The following PDLIM5 variants were observed in gnomAD, a reference collection of about 807,000 sequenced individuals.
The protein encoded by PDLIM5 is PDZ and LIM domain 5.
In PDLIM5, 34 loss-of-function variants were observed where a neutral mutation model predicts 64.2. The ratio of observed to expected loss-of-function variants is 0.53; its 90% CI spans 0.40 to 0.71. The LOEUF is 0.71. PDLIM5 is among the 30% of genes least tolerant of loss of function. The pLI is 0.00. For synonymous variants in PDLIM5, 253 were observed against 269.1 expected (o/e 0.94, Z 0.59); for missense variants, 683 against 733.6 (o/e 0.93, Z 0.80).
rs200015181 is a variant in PDLIM5, at chr4:94,576,279, A to AT, written c.710+251dup. Reference sequence around the variant, plus strand: ...GAACCATGTAACATCTCTGTAACTCATTTTTTGTAAGTCCCGACACAGCAT... The same window carrying AT: ...GAACCATGTAACATCTCTGTAACTCATTTTTTTGTAAGTCCCGACACAGCAT... On this transcript the variant is annotated intron_variant, in intron 5 of 12. Coordinates refer to ENST00000317968, the MANE Select transcript of PDLIM5 (RefSeq NM_006457.5). 1.1e-3 allele frequency among the ~76,000 whole-genome samples: 136 copies of AT among 126,626 alleles called. 3 individuals carry two copies. The highest frequency in any genetic ancestry group is 9.3e-3 in the Middle Eastern group (2 of 214). 83.1% of individuals were successfully genotyped at this position (126,626 alleles called of 152,430 possible). A position where few individuals can be genotyped will look rare whatever the true frequency, so the allele number is the denominator to read the frequency against.
chr4:94,622,961 G>A (rs989646768), intron 8 of PDLIM5, among the ~76,000 whole-genome samples: 2 of 151,922 alleles, frequency 1.3e-5, no homozygotes, highest in Non-Finnish European at 2.9e-5. Flanking sequence ...AAGCCACCAC[G>A]CCCGGCCTCC....
chr4:94,469,140 G>A (rs905103769), intron 2 of PDLIM5, among the ~76,000 whole-genome samples: 1 of 152,196 alleles, frequency 6.6e-6, no homozygotes, highest in Non-Finnish European at 1.5e-5. Flanking sequence ...TTGAGTGCCA[G>A]CTATGTGCTC....
intron 3 of PDLIM5, among the ~76,000 whole-genome samples, chr4:94,532,841 A>G (rs1416192919): frequency 6.6e-6 from 1 of 152,176 alleles, no homozygotes; most frequent in African/African-American, 2.4e-5. Flanking sequence ...TCTACTAAAA[A>G]TACAGAAAAA....
intron 7 of PDLIM5, among the ~76,000 whole-genome samples, chr4:94,607,600 T>G (rs916196564): frequency 6.6e-6 from 1 of 152,232 alleles, no homozygotes; most frequent in Admixed American, 6.5e-5. Context: ...TTGGTTGCTT[T>G]CTTGTAGGAC....
chr4:94,461,988 T>A (rs1723927628), intron 2 of PDLIM5, among the ~76,000 whole-genome samples: 2 of 152,112 alleles, frequency 1.3e-5, no homozygotes. Context: ...CTCAGCCTCT[T>A]GAGTAGCTGG....
intron 3 of PDLIM5, among the ~76,000 whole-genome samples, chr4:94,531,486 A>G (rs1051020474): frequency 3.3e-5 from 5 of 152,204 alleles, no homozygotes; most frequent in African/African-American, 1.2e-4. Context: ...TGGGCCACAC[A>G]TACAATATGC....
chr4:94,595,805 A>T (rs537475200), intron 7 of PDLIM5, among the ~76,000 whole-genome samples: 1 of 152,294 alleles, frequency 6.6e-6, no homozygotes, highest in East Asian at 1.9e-4. Flanking sequence ...TAAGCTATGC[A>T]AAGAAAGCAG....
intron 2 of PDLIM5, among the ~76,000 whole-genome samples, chr4:94,495,710 G>A (rs942536765): frequency 2.0e-5 from 3 of 152,214 alleles, no homozygotes; most frequent in Admixed American, 1.3e-4. Context: ...GAGGCCCCCA[G>A]TGAGGAATGG....
intron 2 of PDLIM5, among the ~76,000 whole-genome samples, chr4:94,510,196 G>A (rs1728748907): frequency 6.6e-6 from 1 of 152,170 alleles, no homozygotes; most frequent in Admixed American, 6.5e-5. Flanking sequence ...TGAAAAAGTA[G>A]AAAAGGTAGA....
At chr4:94,525,336 T>G (rs1730250618) in intron 3 of PDLIM5, among the ~76,000 whole-genome samples, 1 of 152,056 alleles carries the variant, frequency 6.6e-6, no homozygotes, top group African/African-American at 2.4e-5. Context: ...GAGAATCACT[T>G]GAACTCTAGA....
At chr4:94,558,303 A>G (rs548470005) in intron 3 of PDLIM5, among the ~76,000 whole-genome samples, 3 of 152,270 alleles carry the variant, frequency 2.0e-5, no homozygotes, top group African/African-American at 7.2e-5. Flanking sequence ...GCTTGGCTGT[A>G]AGTAAAATTC....
chr4:94,476,588 T>C (rs911239353), intron 2 of PDLIM5, among the ~76,000 whole-genome samples: 1 of 152,216 alleles, frequency 6.6e-6, no homozygotes, highest in Non-Finnish European at 1.5e-5. Flanking sequence ...ACAGTACACC[T>C]TGGATCTTCC....
intron 2 of PDLIM5, among the ~76,000 whole-genome samples, chr4:94,475,165 G>T (rs1195561252): frequency 6.6e-6 from 1 of 151,608 alleles, no homozygotes; most frequent in African/African-American, 2.4e-5. Flanking sequence ...TTACCTAAAG[G>T]AGGGGCAAGA....
chr4:94,497,095 T>G (rs943888514), intron 2 of PDLIM5, among the ~76,000 whole-genome samples: 1 of 152,212 alleles, frequency 6.6e-6, no homozygotes, highest in Non-Finnish European at 1.5e-5. Flanking sequence ...TAAGAATTGC[T>G]TAAGACTATA....
rs1264567956 is a variant in PDLIM5 at position 94,575,706 on chromosome 4, GCAC to G, written c.386_388del (p.Pro129del). On this transcript the variant is annotated inframe_deletion, in exon 5 of 13. Coordinates refer to ENST00000317968, the MANE Select transcript of PDLIM5 (RefSeq NM_006457.5). ...CACAAACAACATGGCCTACAATAAG[GCAC>G]CACGGCCTTTTGGTTCTGTGTCTTC... 2.5e-6 allele frequency: 4 copies of G among 1,613,892 alleles called. No homozygotes were observed. The highest frequency in any genetic ancestry group is 3.4e-6 in the Non-Finnish European group (4 of 1,179,850).
chr4:94,658,588 A>T (rs12500116), intron 11 of PDLIM5, among the ~76,000 whole-genome samples: 45,550 of 152,170 alleles, frequency 0.3, 7,140 homozygotes, highest in Non-Finnish European at 0.35. Context: ...CTGTGCTGAT[A>T]GAAGGAGGTA....
At chr4:94,529,330 C>A (rs952257191) in intron 3 of PDLIM5, among the ~76,000 whole-genome samples, 6 of 152,256 alleles carry the variant, frequency 3.9e-5, no homozygotes, top group African/African-American at 1.4e-4. Flanking sequence ...TGCCCAAATT[C>A]TGCTCTCCTC....
chr4:94,607,732 A>C (rs1738041693), intron 7 of PDLIM5, among the ~76,000 whole-genome samples: 1 of 152,130 alleles, frequency 6.6e-6, no homozygotes, highest in African/African-American at 2.4e-5. Flanking sequence ...AACTTAATTA[A>C]CTTCTTGGAG....
intron 3 of PDLIM5, among the ~76,000 whole-genome samples, chr4:94,545,382 T>C (rs536029256): frequency 1.3e-5 from 2 of 152,330 alleles, no homozygotes; most frequent in Non-Finnish European, 2.9e-5. Context: ...GCTTTGCCTA[T>C]TTGTGGTATC....
Sources: allele counts gnomAD v4.1 joint callset (sites outside exome capture counted in the v4.1 genomes callset), GRCh38; gene constraint gnomAD v4.1.1; transcripts MANE v1.5; gene names NCBI Gene and HGNC (gene_info 2026-07-23, HGNC 2026-07-21).